Variants in ZNF292 observed in about 807,000 individuals in gnomAD.
ZNF292 encodes the protein 16 zinc-finger domain protein.
A neutral mutation model predicts 217.9 loss-of-function variants in ZNF292; 26 were observed. That is an observed-to-expected ratio of 0.12 (90% confidence interval 0.09 to 0.17). The LOEUF (loss-of-function observed/expected upper bound fraction) is 0.17, where lower values mean the gene tolerates loss of function less well. Ranked by LOEUF, ZNF292 falls within the 10% of genes least tolerant of loss-of-function variation. ZNF292 has a pLI of 1.00. For missense variants in ZNF292, 2,904 were observed against 3,175.2 expected (o/e 0.91, Z 2.05); for synonymous variants, 1,257 against 1,124.1 (o/e 1.12, Z -2.37).
Position 87,245,609 on chromosome 6 carries a change from C to A in ZNF292, c.985C>A (p.His329Asn). ...QLSLLTKTVY[H>N]IFFLIKVINS... is the part of the protein sequence containing the mutation. ...TTCTTTGTTAACGAAAACAGTATATCACATTTTCTTCCTGATTAAAGTTAT... is the reference window on the plus strand; with the variant it reads ...TTCTTTGTTAACGAAAACAGTATATAACATTTTCTTCCTGATTAAAGTTAT... The change falls in exon 7 of 8, where the codon CAC becomes AAC. Residue 329 changes from histidine to asparagine, a missense_variant. Physicochemically the swap from His to Asn is moderately conservative, Grantham distance 68 (BLOSUM62 1). Transcript: ENST00000369577. 1 of 1,532,652 alleles carries A rather than the reference C, an allele frequency of 6.5e-7. No individual in the cohort carries two copies. Among genetic ancestry groups the A allele is most frequent in the Non-Finnish European group, 8.9e-7 (1 of 1,125,260 alleles). 94.9% of individuals were successfully genotyped at this position (1,532,652 alleles called of 1,614,324 possible).
chr6:87,156,436 C>T (rs1412892964), intron 1 of ZNF292, among the ~76,000 whole-genome samples: 1 of 152,210 alleles, frequency 6.6e-6, no homozygotes, highest in Admixed American at 6.5e-5. Context: ...TGTGGTAAAG[C>T]TTTATCTCCT....
intron 1 of ZNF292, among the ~76,000 whole-genome samples, chr6:87,212,835 C>G (rs1231174259): frequency 6.6e-6 from 1 of 152,178 alleles, no homozygotes; most frequent in African/African-American, 2.4e-5. Context: ...TCATTGTCCT[C>G]TGAATCATCT....
intron 1 of ZNF292, among the ~76,000 whole-genome samples, chr6:87,189,074 G>A (rs1032694156): frequency 3.3e-5 from 5 of 151,842 alleles, no homozygotes; most frequent in African/African-American, 9.7e-5. Flanking sequence ...ATAAGGTGGC[G>A]AGCGCCTGTA....
At chr6:87,201,977 T>C (rs1772110328) in intron 1 of ZNF292, among the ~76,000 whole-genome samples, 1 of 152,236 alleles carries the variant, frequency 6.6e-6, no homozygotes, top group South Asian at 2.1e-4. Flanking sequence ...TTTCTATAGC[T>C]TTGGGATAAG....
intron 1 of ZNF292, among the ~76,000 whole-genome samples, chr6:87,176,787 G>A (rs764400810): frequency 3.8e-4 from 58 of 151,988 alleles, no homozygotes; most frequent in Non-Finnish European, 7.8e-4. Context: ...ATTATCTCCC[G>A]TCACTCACTC....
intron 1 of ZNF292, among the ~76,000 whole-genome samples, chr6:87,210,692 A>G (rs987479637): frequency 3.9e-5 from 6 of 152,142 alleles, no homozygotes; most frequent in African/African-American, 1.4e-4. Flanking sequence ...AGGCAGGAGA[A>G]TGGCGTGAAC....
intron 1 of ZNF292, among the ~76,000 whole-genome samples, chr6:87,194,971 C>T (rs930354310): frequency 6.6e-6 from 1 of 151,360 alleles, no homozygotes; most frequent in African/African-American, 2.4e-5. Flanking sequence ...CTACAAATGG[C>T]CTTCGATAAA....
chr6:87,198,447 G>A (rs1243200239), intron 1 of ZNF292, among the ~76,000 whole-genome samples: 2 of 152,080 alleles, frequency 1.3e-5, no homozygotes, highest in East Asian at 1.9e-4. Context: ...CTCGTGATCC[G>A]CCCGCCTGGG....
intron 1 of ZNF292, among the ~76,000 whole-genome samples, chr6:87,176,209 A>G (rs954632586): frequency 6.6e-6 from 1 of 152,244 alleles, no homozygotes; most frequent in Admixed American, 6.5e-5. Context: ...AAAGTTTCAC[A>G]TGACATGAAG....
rs745878140 is a variant in ZNF292 at position 87,255,371 on chromosome 6, A to G, written c.1742A>G (p.Lys581Arg). 3.8e-5 allele frequency: 61 copies of G among 1,613,614 alleles called. No individual in the cohort carries two copies. Residue 581 changes from lysine (K) to arginine (R), a missense_variant, in exon 8 of 8, where the codon AAA (lysine) becomes AGA (arginine). Coordinates refer to ENST00000369577, the MANE Select transcript of ZNF292 (RefSeq NM_015021.3). ...ATATGTGCAAAGAACTTTAATTCTA[A>G]AGAAACTTTTGTCCCTCATGTCACA... ...CPICAKNFNS[K>R]ETFVPHVTLH...
At chr6:87,246,537 A>C (rs557999258) in intron 7 of ZNF292, among the ~76,000 whole-genome samples, 3 of 151,490 alleles carry the variant, frequency 2.0e-5, no homozygotes, top group Non-Finnish European at 4.4e-5. Context: ...TGGAAGTTTG[A>C]TATCTACACA....
intron 1 of ZNF292, among the ~76,000 whole-genome samples, chr6:87,160,408 T>G (rs1383194095): frequency 6.6e-6 from 1 of 152,142 alleles, no homozygotes; most frequent in Non-Finnish European, 1.5e-5. Flanking sequence ...TCAGTAGTGA[T>G]CTGGTGGCTG....
intron 1 of ZNF292, among the ~76,000 whole-genome samples, chr6:87,174,524 T>C (rs1215368898): frequency 6.6e-6 from 1 of 152,180 alleles, no homozygotes; most frequent in Non-Finnish European, 1.5e-5. Flanking sequence ...AAAGTGTAGT[T>C]CTCTTCTGAC....
Position 87,260,264 on chromosome 6 carries a change from A to T in ZNF292, c.6635A>T (p.Asp2212Val), listed in dbSNP as rs1299126742. 2 of 1,613,546 alleles carry T rather than the reference A, an allele frequency of 1.2e-6. No individual in the cohort carries two copies. The highest frequency in any genetic ancestry group is 2.2e-5 in the East Asian group (1 of 44,896). ...ATTGAAAGTATGACTGCTTCAGTGG[A>T]TGTTGGGAAGTTTCCATGTGACCAG... ...EEIESMTASV[D>V]VGKFPCDQLE... The change falls in exon 8 of 8, where the codon GAT (aspartate) becomes GTT (valine). Residue 2212 changes from aspartate to valine, a missense_variant. Physicochemically the swap from Asp to Val is radical, Grantham distance 152. This residue lies in a region of ZNF292 where 261 missense variants were observed against 272.8 expected (regional missense o/e 0.96). Coordinates refer to ENST00000369577, the MANE Select transcript of ZNF292 (RefSeq NM_015021.3).
intron 1 of ZNF292, among the ~76,000 whole-genome samples, chr6:87,193,026 C>A (rs1355346926): frequency 2.0e-5 from 3 of 152,226 alleles, no homozygotes; most frequent in Middle Eastern, 3.4e-3. Flanking sequence ...GGGTTTCATT[C>A]CTGTTGTCCC....
chr6:87,209,753 GTTATT>G (rs1161883504), intron 1 of ZNF292, among the ~76,000 whole-genome samples: 1 of 152,044 alleles, frequency 6.6e-6, no homozygotes, highest in African/African-American at 2.4e-5. Flanking sequence ...TGGGTTTATT[GTTATT>G]TTAAACTTGT....
Position 87,261,499 on chromosome 6 carries a change from C to G in ZNF292, c.7870C>G (p.His2624Asp), listed in dbSNP as rs551397183. ...GAATACTGGAAACAAAAAAGGATCC[C>G]ATTCAAATTCAAGAAAAAATATTGA... ...HPNTGNKKGS[H>D]SNSRKNIDKT... Residue 2624 changes from histidine (H) to aspartate (D), a missense_variant, in exon 8 of 8, where the codon CAT becomes GAT. His to Asp is a moderately conservative substitution (Grantham distance 81). Transcript: ENST00000369577. 3 of 1,605,196 alleles carry G rather than the reference C, an allele frequency of 1.9e-6. No individual in the cohort carries two copies. Among genetic ancestry groups the G allele is most frequent in the African/African-American group, 2.7e-5 (2 of 74,898 alleles).
intron 1 of ZNF292, among the ~76,000 whole-genome samples, chr6:87,205,640 G>A (rs1024556354): frequency 1.3e-5 from 2 of 151,790 alleles, no homozygotes; most frequent in Non-Finnish European, 2.9e-5. Context: ...TGCTCTTGTA[G>A]TTATGGTTCC....
Position 87,265,184 on chromosome 6 carries a change from G to A in ZNF292, c.*3383G>A, listed in dbSNP as rs537347349. The stretch of plus-strand genomic sequence containing the variant: ...CTGGAGTGCAGTGTTGCACGATCTC[G>A]GCTTACTGCAACTTCTGCCTCCCAA... On this transcript the variant is annotated 3_prime_UTR_variant, in exon 8 of 8. Transcript: ENST00000369577. Among the ~76,000 whole-genome samples the A allele has an allele frequency of 1.1e-4, 17 of 151,622 alleles. No homozygotes were observed. The highest frequency in any genetic ancestry group is 6.3e-4 in the South Asian group (3 of 4,792).
Sources: allele counts gnomAD v4.1 joint callset (sites outside exome capture counted in the v4.1 genomes callset), GRCh38; gene constraint gnomAD v4.1.1; regional missense constraint gnomAD v4.1.1; transcripts MANE v1.5; gene names NCBI Gene and HGNC (gene_info 2026-07-23, HGNC 2026-07-21).